TOPBP1: variants seen among roughly 807,000 people sequenced by gnomAD.
The protein encoded by TOPBP1 is DNA topoisomerase II binding protein 1.
A neutral mutation model predicts 167.7 loss-of-function variants in TOPBP1; 28 were observed. That is an observed-to-expected ratio of 0.17 (90% CI 0.12 to 0.23). The LOEUF (loss-of-function observed/expected upper bound fraction) is 0.23, where lower values mean the gene tolerates loss of function less well. TOPBP1 is among the 10% of genes least tolerant of loss of function. The probability of loss-of-function intolerance (pLI) is 1.00; values close to 1 mark genes in which losing one functional copy is unlikely to be tolerated. For missense variants in TOPBP1, 1,554 were observed against 1,809.6 expected, an observed-to-expected ratio of 0.86 and a Z score of 2.56; for synonymous variants, 598 against 611.4, an observed-to-expected ratio of 0.98 and a Z score of 0.32.
intron 4 of TOPBP1, among the ~76,000 whole-genome samples, chr3:133,657,381 CTTTT>C (rs11341315): frequency 1.5e-5 from 2 of 130,068 alleles, no homozygotes; most frequent in African/African-American, 2.8e-5. Flanking sequence ...TCTTAGAATG[CTTTT>C]TTTTTTTTTT....
At chr3:133,609,537 G>C (rs1262388806) in intron 25 of TOPBP1, among the ~76,000 whole-genome samples, 27 of 152,168 alleles carry the variant, frequency 1.8e-4, no homozygotes, top group Admixed American at 1.7e-3. Flanking sequence ...TAATCCGAAT[G>C]ATAATCTCCA....
intron 20 of TOPBP1, among the ~76,000 whole-genome samples, chr3:133,619,424 A>G (rs1935011091): frequency 6.6e-6 from 1 of 152,200 alleles, no homozygotes; most frequent in Admixed American, 6.5e-5. Flanking sequence ...TGAAAATACA[A>G]GTCCCATAAT....
At chr3:133,653,276 A>G (rs1936362045) in intron 7 of TOPBP1, 69 bp downstream of exon 7, 10 of 1,380,240 alleles carry the variant, frequency 7.2e-6, no homozygotes, top group Non-Finnish European at 7.7e-6. Flanking sequence ...TGATCCTATT[A>G]ACATACTGAT....
At chr3:133,653,553 G>A in intron 6 of TOPBP1, 29 bp from the exon 7 acceptor site, 2 of 1,464,002 alleles carry the variant, frequency 1.4e-6, no homozygotes, top group Non-Finnish European at 1.8e-6. Flanking sequence ...AAGAAATAGA[G>A]AAAATAGGAG....
In TOPBP1 at chr3:133,624,853, G is replaced by T. The variant is rs1003475897; in HGVS notation, c.2805-678C>A. Among the ~76,000 whole-genome samples, 6 of 152,244 alleles carry T rather than the reference G, an allele frequency of 3.9e-5. No individual in the cohort carries two copies. The East Asian group carries it at 1.2e-3, about 29-fold the overall frequency. On this transcript the variant is annotated intron_variant, in intron 16 of 27. Coordinates refer to ENST00000260810, the MANE Select transcript of TOPBP1 (RefSeq NM_007027.4). ...AAAGATAAAAGAACTAAGGGACATG[G>T]TTCAGTACCCTGTTCAAGGATACTC...
At chr3:133,612,345 T>A (rs770933573) in intron 24 of TOPBP1, 44 bp downstream of exon 24, 4 of 1,607,216 alleles carry the variant, frequency 2.5e-6, no homozygotes, top group Non-Finnish European at 2.6e-6. Context: ...CGGTGGACAC[T>A]TGCTTTTAAA....
Position 133,606,318 on chromosome 3 carries a change from AAAGATAGGT to A in TOPBP1, c.4425+2208_4425+2216del, listed in dbSNP as rs559592636. 2.3e-3 allele frequency among the ~76,000 whole-genome samples: 356 copies of A among 152,284 alleles called. 1 individual carries two copies. Among genetic ancestry groups the A allele is most frequent in the Middle Eastern group, 0.014 (4 of 294 alleles). On this transcript the variant is annotated intron_variant, in intron 27 of 27. Transcript: ENST00000260810. The stretch of plus-strand genomic sequence containing the variant: ...TCACAAAATAGGAATAAATTTAACA[AAAGATAGGT>A]AAGTTCCCTTACTGAAAAACCACAA...
intron 5 of TOPBP1, among the ~76,000 whole-genome samples, chr3:133,656,120 T>C (rs1028845225): frequency 2.6e-5 from 4 of 151,338 alleles, no homozygotes; most frequent in African/African-American, 4.9e-5. Flanking sequence ...CCCCTTGAAA[T>C]AGGCTCTAAG....
chr3:133,628,179 G>A, intron 16 of TOPBP1, 183 bp downstream of exon 16: 2 of 602,896 alleles, frequency 3.3e-6, no homozygotes, highest in South Asian at 4.1e-5. Flanking sequence ...ACATATAAGA[G>A]TGAATTGATA....
In TOPBP1 at chr3:133,623,375, A is replaced by G. The variant is rs760258032; in HGVS notation, c.3011T>C (p.Val1004Ala). The G allele has an allele frequency of 1.9e-6, 3 of 1,613,502 alleles. No individual in the cohort carries two copies. Among genetic ancestry groups the G allele is most frequent in the Non-Finnish European group, 2.5e-6 (3 of 1,179,672 alleles). Residue 1004 changes from valine (V) to alanine (A), a missense_variant, in exon 18 of 28, where the codon GTG becomes GCG. Coordinates refer to ENST00000260810, the MANE Select transcript of TOPBP1 (RefSeq NM_007027.4). ...NPKMSLDISA[V>A]QDGRLCNSRL... is the part of the protein sequence containing the mutation. Reference sequence around the variant, plus strand: ...ACTATTACAGAGCCGGCCATCTTGCACTGCGCTGATATCCAAGCTCATTTT... The same window carrying G: ...ACTATTACAGAGCCGGCCATCTTGCGCTGCGCTGATATCCAAGCTCATTTT...
At chr3:133,658,834 C>T (rs557880513) in intron 3 of TOPBP1, among the ~76,000 whole-genome samples, 182 bp downstream of exon 3, 1 of 152,106 alleles carries the variant, frequency 6.6e-6, no homozygotes, top group Non-Finnish European at 1.5e-5. Context: ...AACAAACAAA[C>T]AAACAAAAAA....
At chr3:133,645,550 C>G (rs1936046188) in intron 10 of TOPBP1, among the ~76,000 whole-genome samples, 1 of 151,928 alleles carries the variant, frequency 6.6e-6, no homozygotes, top group South Asian at 2.1e-4. Context: ...TTATTTTTTG[C>G]AAGTACAATT....
chr3:133,638,373 T>C (rs1385441262), intron 13 of TOPBP1, among the ~76,000 whole-genome samples: 9 of 152,156 alleles, frequency 5.9e-5, no homozygotes, highest in Admixed American at 3.9e-4. Flanking sequence ...ATACCTACTT[T>C]CCAAGAAACA....
chr3:133,619,459 T>C (rs1935012363), intron 20 of TOPBP1, among the ~76,000 whole-genome samples: 1 of 152,220 alleles, frequency 6.6e-6, no homozygotes, highest in Non-Finnish European at 1.5e-5. Flanking sequence ...TATAGATTTT[T>C]TTCTTCTATC....
At chr3:133,610,837 G>C (rs1934650810) in intron 25 of TOPBP1, among the ~76,000 whole-genome samples, 167 bp downstream of exon 25, 1 of 151,992 alleles carries the variant, frequency 6.6e-6, no homozygotes, top group African/African-American at 2.4e-5. Context: ...TGCAATATGG[G>C]CCACATTTTA....
At chr3:133,620,058 A>G in intron 20 of TOPBP1, 97 bp downstream of exon 20, 1 of 1,334,912 alleles carries the variant, frequency 7.5e-7, no homozygotes, top group Non-Finnish European at 1.0e-6. Flanking sequence ...AAAAAAAGCT[A>G]AATTAGGCCA....
At chr3:133,610,930 T>G in intron 25 of TOPBP1, 74 bp downstream of exon 25, 4 of 1,397,234 alleles carry the variant, frequency 2.9e-6, no homozygotes, top group Non-Finnish European at 3.8e-6. Flanking sequence ...AAGCACATTC[T>G]CTTTTAAAAA....
chr3:133,635,022 T>A (rs1272721679), intron 14 of TOPBP1, among the ~76,000 whole-genome samples: 1 of 152,204 alleles, frequency 6.6e-6, no homozygotes, highest in Non-Finnish European at 1.5e-5. Context: ...AGATCTTCTA[T>A]ACAGGCAATT....
Position 133,638,155 on chromosome 3 carries a change from A to G in TOPBP1, c.2241T>C (p.Ser747=). The part of the protein sequence containing the change: ...LIENSTKEER[S]LETEITNGIN... ...TTCCATTTGTTATTTCTGTTTCCAA[A>G]CTTCGTTCTAGAGATTTAAAATGAA... is the stretch of plus-strand genomic sequence containing the variant. Residue 747 remains serine (S), a synonymous_variant, in exon 14 of 28, where the codon AGT becomes AGC. Coordinates refer to ENST00000260810, the MANE Select transcript of TOPBP1 (RefSeq NM_007027.4). 6.2e-7 allele frequency: 1 copy of G among 1,612,746 alleles called. No homozygotes were observed. The highest frequency in any genetic ancestry group is 8.5e-7 in the Non-Finnish European group (1 of 1,178,990).
Sources: allele counts gnomAD v4.1 joint callset (sites outside exome capture counted in the v4.1 genomes callset), GRCh38; gene constraint gnomAD v4.1.1; transcripts MANE v1.5; gene names NCBI Gene and HGNC (gene_info 2026-07-23, HGNC 2026-07-21).